The following CCL23 variants were observed in gnomAD, a reference collection of about 807,000 sequenced individuals.
The protein encoded by CCL23 is C-C motif chemokine ligand 23, also known as C-C motif chemokine 23.
CCL23 carries 10 observed loss-of-function variants against 11.8 expected under a neutral mutation model. That is an observed-to-expected ratio of 0.84 (90% CI 0.52 to 1.43). The LOEUF (loss-of-function observed/expected upper bound fraction) is 1.43. Among genes scored for constraint, CCL23 ranks in the 40% most tolerant of loss-of-function variants. The probability of loss-of-function intolerance (pLI) is 0.00; values close to 1 mark genes in which losing one functional copy is unlikely to be tolerated. For missense variants in CCL23, 181 were observed against 170.9 expected, an observed-to-expected ratio of 1.06 and a Z score of -0.33; for synonymous variants, 60 against 61.0, an observed-to-expected ratio of 0.98 and a Z score of 0.07.
chr17:36,014,755 A>G (rs956914644), intron 1 of CCL23, among the ~76,000 whole-genome samples: 2 of 152,194 alleles, frequency 1.3e-5, no homozygotes, highest in Non-Finnish European at 2.9e-5. Flanking sequence ...AGAGGTGTTC[A>G]TCAGCTCATA....
At position 36,017,915 on chromosome 17, in the gene CCL23, A is replaced by G; in HGVS notation, c.-18T>C. 6.2e-7 allele frequency: 1 copy of G among 1,612,748 alleles called. No individual in the cohort carries two copies. The highest frequency in any genetic ancestry group is 1.1e-5 in the South Asian group (1 of 90,942). On this transcript the variant is annotated 5_prime_UTR_variant, in exon 1 of 4. Coordinates refer to ENST00000615050, the MANE Select transcript of CCL23 (RefSeq NM_005064.6). ...ACCTTCATCCTCCTGGTGGGCAGGCAGGGCTGGCCGAGGACTCCTGGGCTC... is the reference window on the plus strand; with the variant it reads ...ACCTTCATCCTCCTGGTGGGCAGGCGGGGCTGGCCGAGGACTCCTGGGCTC...
Position 36,013,798 on chromosome 17 carries a change from G to GTGTTCACGGGT in CCL23, c.247_248insACCCGTGAACA (p.Ser83TyrfsTer3). On this transcript the variant is annotated stop_gained and frameshift_variant, in exon 3 of 4. Transcript: ENST00000615050. LOFTEE classifies it high-confidence loss of function. Reference sequence around the variant, plus strand: ...CGTTTCAAAGTAACTCTCCAGGAGTGAACACGGGATGCTTCGTGGGGTGTA... The same window carrying GTGTTCACGGGT: ...CGTTTCAAAGTAACTCTCCAGGAGTGTGTTCACGGGTAACACGGGATGCTTCGTGGGGTGTA... The GTGTTCACGGGT allele has an allele frequency of 6.2e-7, 1 of 1,614,214 alleles. No individual in the cohort carries two copies. Among genetic ancestry groups the GTGTTCACGGGT allele is most frequent in the Non-Finnish European group, 8.5e-7 (1 of 1,180,030 alleles).
At chr17:36,017,171 G>A (rs79652474) in intron 1 of CCL23, among the ~76,000 whole-genome samples, 4,165 of 152,146 alleles carry the variant, frequency 0.027, 184 homozygotes, top group African/African-American at 0.092. Flanking sequence ...TTTGTAAAAT[G>A]TCAATAATAA....
intron 1 of CCL23, 38 bp downstream of exon 1, chr17:36,017,784 T>C (rs185517547): frequency 6.3e-7 from 1 of 1,594,464 alleles, no homozygotes; most frequent in Admixed American, 1.7e-5. Context: ...TGAGTTACCA[T>C]GAACCTGGTC....
At chr17:36,013,373 C>T (rs1050942946) in intron 3 of CCL23, 65 bp from the exon 4 acceptor site, 1 of 975,458 alleles carries the variant, frequency 1.0e-6, no homozygotes, top group Non-Finnish European at 1.6e-6. Context: ...ACAGGGGGCC[C>T]CATTCTCCCT....
At chr17:36,015,899 C>G (rs1036435943) in intron 1 of CCL23, among the ~76,000 whole-genome samples, 24 of 151,670 alleles carry the variant, frequency 1.6e-4, no homozygotes, top group African/African-American at 5.8e-4. Context: ...CAAAAATTAG[C>G]TAGGCATGGT....
At chr17:36,017,582 T>C (rs1242834739) in intron 1 of CCL23, among the ~76,000 whole-genome samples, 1 of 152,218 alleles carries the variant, frequency 6.6e-6, no homozygotes, top group Non-Finnish European at 1.5e-5. Flanking sequence ...AGGTATCAAA[T>C]AATTTTTGCT....
At chr17:36,015,985 A>G (rs1280559181) in intron 1 of CCL23, among the ~76,000 whole-genome samples, 3 of 152,024 alleles carry the variant, frequency 2.0e-5, no homozygotes, top group African/African-American at 7.2e-5. Context: ...TAGAGGTTGC[A>G]GTGAGCCAAG....
In CCL23 at chr17:36,017,886, G is replaced by A. The variant is rs375886133; in HGVS notation, c.12C>T (p.Ser4=). 5.8e-5 allele frequency: 94 copies of A among 1,613,746 alleles called. 1 individual carries two copies. Among genetic ancestry groups the A allele is most frequent in the Middle Eastern group, 3.4e-4 (2 of 5,878 alleles). ...GCATGAGGCAGGAGAGGGCAGCCACGGAGACCTTCATCCTCCTGGTGGGCA... is the reference window on the plus strand; with the variant it reads ...GCATGAGGCAGGAGAGGGCAGCCACAGAGACCTTCATCCTCCTGGTGGGCA... The part of the protein sequence containing the change: MKV[S]VAALSCLMLV... Residue 4 remains serine, a synonymous_variant, in exon 1 of 4, where the codon TCC becomes TCT. Transcript: ENST00000615050.
intron 2 of CCL23, 85 bp from the exon 3 acceptor site, chr17:36,013,994 C>A: frequency 2.2e-6 from 3 of 1,356,520 alleles, no homozygotes; most frequent in Admixed American, 1.8e-5. Context: ...CTGCTTCAGA[C>A]CCTCATCAGA....
Position 36,014,267 on chromosome 17 carries a change from T to C in CCL23, c.136+67A>G, listed in dbSNP as rs571421054. 58 of 1,141,492 alleles carry C rather than the reference T, an allele frequency of 5.1e-5. No homozygotes were observed. The South Asian group carries it at 6.4e-4, about 13-fold the overall frequency. The allele number at this position is 1,141,492 out of a possible 1,614,324, so 70.7% of individuals were successfully genotyped here. On this transcript the variant is annotated intron_variant, in intron 2 of 3. Transcript: ENST00000615050. The stretch of plus-strand genomic sequence containing the variant: ...CCTCCCATTCTGTAAACAGGGACAA[T>C]GGATCCCATAGTGCAGACCTGCACC...
chr17:36,014,323 T>C lies in CCL23; in HGVS notation c.136+11A>G. On this transcript the variant is annotated intron_variant, in intron 2 of 3. Coordinates refer to ENST00000615050, the MANE Select transcript of CCL23 (RefSeq NM_005064.6). ...GCTGCTTTTAAATATATGCCGTATC[T>C]GATCACTTACTGTCCAGAAGTACTG... 6.3e-7 allele frequency: 1 copy of C among 1,599,842 alleles called. No individual in the cohort carries two copies. The highest frequency in any genetic ancestry group is 1.3e-5 in the African/African-American group (1 of 74,756).
chr17:36,017,885 C>T lies in CCL23; in HGVS notation c.13G>A (p.Val5Met), dbSNP rs759487613. 7.4e-6 allele frequency: 12 copies of T among 1,613,862 alleles called. No individual in the cohort carries two copies. Among genetic ancestry groups the T allele is most frequent in the Admixed American group, 3.3e-5 (2 of 60,006 alleles). MKVS[V>M]AALSCLMLVT... is the part of the protein sequence containing the mutation. ...AGCATGAGGCAGGAGAGGGCAGCCACGGAGACCTTCATCCTCCTGGTGGGC... is the reference window on the plus strand; with the variant it reads ...AGCATGAGGCAGGAGAGGGCAGCCATGGAGACCTTCATCCTCCTGGTGGGC... The change falls in exon 1 of 4, where the codon GTG becomes ATG. Residue 5 changes from valine to methionine, a missense_variant. By Grantham distance (21) the Val-to-Met change is conservative. Coordinates refer to ENST00000615050, the MANE Select transcript of CCL23 (RefSeq NM_005064.6).
chr17:36,014,449 G>A (rs563400838), intron 1 of CCL23, 56 bp from the exon 2 acceptor site: 12 of 1,375,308 alleles, frequency 8.7e-6, no homozygotes, highest in South Asian at 6.9e-5. Context: ...CATTGTTTCA[G>A]CATCTCCACC....
At chr17:36,015,529 A>G (rs1394061239) in intron 1 of CCL23, among the ~76,000 whole-genome samples, 1 of 152,220 alleles carries the variant, frequency 6.6e-6, no homozygotes, top group Non-Finnish European at 1.5e-5. Context: ...CAGAAATAGA[A>G]TTGCTGCATC....
In CCL23 at chr17:36,014,348, G is replaced by A; in HGVS notation, c.122C>T (p.Pro41Leu). The A allele has an allele frequency of 6.2e-7, 1 of 1,612,830 alleles. No individual in the cohort carries two copies. Among genetic ancestry groups the A allele is most frequent in the Non-Finnish European group, 8.5e-7 (1 of 1,178,752 alleles). The change falls in exon 2 of 4, where the codon CCA becomes CTA. Residue 41 changes from proline to leucine, a missense_variant. Coordinates refer to ENST00000615050, the MANE Select transcript of CCL23 (RefSeq NM_005064.6). ...FMMSKLPLEN[P>L]VLLDMLWRRK... Reference sequence around the variant, plus strand: ...TGATCACTTACTGTCCAGAAGTACTGGATTTTCCAATGGAAGCTTTGACAT... The same window carrying A: ...TGATCACTTACTGTCCAGAAGTACTAGATTTTCCAATGGAAGCTTTGACAT...
At chr17:36,014,014 T>C in intron 2 of CCL23, 105 bp from the exon 3 acceptor site, 1 of 1,207,096 alleles carries the variant, frequency 8.3e-7, no homozygotes, top group South Asian at 1.4e-5. Context: ...AGTTGAGCTG[T>C]GTGTCTGAGG....
chr17:36,013,972 G>C, intron 2 of CCL23, 63 bp from the exon 3 acceptor site: 1 of 1,505,642 alleles, frequency 6.6e-7, no homozygotes, highest in South Asian at 1.2e-5. Flanking sequence ...ACCAGCACTT[G>C]CTGGCATCTC....
At chr17:36,015,995 G>A (rs113330453) in intron 1 of CCL23, among the ~76,000 whole-genome samples, 2,069 of 151,974 alleles carry the variant, frequency 0.014, 53 homozygotes, top group African/African-American at 0.048. Flanking sequence ...AGTGAGCCAA[G>A]ATGGTGCCAC....
Sources: gnomAD v4.1 joint callset for allele counts (sites outside exome capture counted in the v4.1 genomes callset) on GRCh38, gnomAD v4.1.1 for gene constraint, MANE v1.5 for transcripts, NCBI Gene and HGNC (gene_info 2026-07-23, HGNC 2026-07-21) for gene names.